GSE1: variants seen among roughly 807,000 people sequenced by gnomAD.
GSE1 encodes genetic suppressor element 1.
GSE1 carries 32 observed loss-of-function variants against 112.6 expected under a neutral mutation model. That is an observed-to-expected ratio of 0.28 (90% CI 0.21 to 0.38). The LOEUF is 0.38. Among genes scored for constraint, GSE1 ranks in the 10% least tolerant of loss-of-function variants. GSE1 has a pLI of 1.00. For missense variants in GSE1, 2,348 were observed against 1,699.2 expected (o/e 1.38, Z -6.71); for synonymous variants, 1,115 against 735.6 (o/e 1.52, Z -8.35).
At chr16:85,387,611 G>T (rs1459951149) in intron 2 of GSE1, among the ~76,000 whole-genome samples, 1 of 152,214 alleles carries the variant, frequency 6.6e-6, no homozygotes, top group East Asian at 1.9e-4. Context: ...ACCTTGGGTT[G>T]CTTTCTTCCT....
chr16:85,237,621 G>A (rs1037132739), intron 1 of GSE1, among the ~76,000 whole-genome samples: 23 of 151,906 alleles, frequency 1.5e-4, no homozygotes, highest in Non-Finnish European at 2.5e-4. Flanking sequence ...GGCAGATCAC[G>A]CGGTCAGGAG....
chr16:85,222,760 C>T lies in GSE1; in HGVS notation c.2283+50953C>T, dbSNP rs62049807. Among the ~76,000 whole-genome samples the T allele has an allele frequency of 3.8e-3, 580 of 152,256 alleles. 7 individuals are homozygous for T. The highest frequency in any genetic ancestry group is 0.029 in the South Asian group (139 of 4,812). On this transcript the variant is annotated intron_variant, in intron 1 of 2. Transcript: ENST00000637419. ...TGTTTCTCATTGAAGATGCCCTCTCCGAGGGTGGGGAGCTTTTGTTTATTG... is the reference window on the plus strand; with the variant it reads ...TGTTTCTCATTGAAGATGCCCTCTCTGAGGGTGGGGAGCTTTTGTTTATTG...
At chr16:85,324,994 G>A (rs901502174) in intron 1 of GSE1, among the ~76,000 whole-genome samples, 4 of 151,976 alleles carry the variant, frequency 2.6e-5, no homozygotes, top group African/African-American at 7.3e-5. Flanking sequence ...TTGAGACAAG[G>A]TCTCACTCTG....
rs1005683773 is a variant in GSE1, at chr16:85,617,408, C to T, written c.7+4010C>T. 3.9e-5 allele frequency among the ~76,000 whole-genome samples: 6 copies of T among 152,262 alleles called. No homozygotes were observed. The East Asian group carries it at 1.2e-3, about 29-fold the overall frequency. On this transcript the variant is annotated intron_variant, in intron 1 of 15. Transcript: ENST00000253458. ...GGCTGCACTTGAGGCTTTTGTGGGT[C>T]CTTGTGACTTGGGGGTTTCTAGGGA...
rs1026109284 is a variant in GSE1 at position 85,657,543 on chromosome 16, C to T, written c.1579C>T (p.Leu527=). Residue 527 remains leucine (L), a synonymous_variant, in exon 8 of 16, where the codon CTG becomes TTG. Transcript: ENST00000253458. ...EFRQQVLEQH[L]DMGRPPVPAE... ...CCGGCAGCAGGTGCTGGAGCAGCAC[C>T]TGGATATGGGCCGGCCCCCGGTGCC... is the stretch of plus-strand genomic sequence containing the variant. 2 of 1,599,604 alleles carry T rather than the reference C, an allele frequency of 1.3e-6. No individual in the cohort carries two copies. The highest frequency in any genetic ancestry group is 1.7e-6 in the Non-Finnish European group (2 of 1,172,774).
At chr16:85,555,031 C>A, upstream of GSE1, 1 of 985,360 alleles carries the variant, frequency 1.0e-6, no homozygotes, top group Non-Finnish European at 1.2e-6. Flanking sequence ...CGGGGGGAAG[C>A]TCGCAAGTGA....
intron 1 of GSE1, among the ~76,000 whole-genome samples, chr16:85,617,757 G>A (rs555312067): frequency 6.3e-4 from 96 of 152,202 alleles, no homozygotes; most frequent in African/African-American, 2.2e-3. Context: ...GGAGCAATGT[G>A]GGTAGGAATT....
chr16:85,353,218 C>G (rs1225143933), intron 1 of GSE1, among the ~76,000 whole-genome samples: 2 of 152,158 alleles, frequency 1.3e-5, no homozygotes, highest in African/African-American at 4.8e-5. Context: ...CACCTGGGGA[C>G]TCGACCGGGG....
chr16:85,236,067 G>A (rs1032590474), intron 1 of GSE1, among the ~76,000 whole-genome samples: 2 of 151,910 alleles, frequency 1.3e-5, no homozygotes, highest in South Asian at 4.1e-4. Flanking sequence ...CGCCCCTCCC[G>A]GATTTCCCGG....
chr16:85,411,013 G>C (rs1251873315), intron 2 of GSE1, among the ~76,000 whole-genome samples: 1 of 62,848 alleles, frequency 1.6e-5, no homozygotes, highest in Non-Finnish European at 2.7e-5. Context: ...TACACTCAGA[G>C]CCCCCCTGGA....
At chr16:85,630,835 T>G (rs1390990752) in intron 1 of GSE1, among the ~76,000 whole-genome samples, 1 of 152,148 alleles carries the variant, frequency 6.6e-6, no homozygotes, top group African/African-American at 2.4e-5. Context: ...GGTCTCGGTT[T>G]CCCCATCTGT....
intron 2 of GSE1, among the ~76,000 whole-genome samples, chr16:85,643,671 C>T (rs2050626174): frequency 6.6e-6 from 1 of 152,182 alleles, no homozygotes; most frequent in African/African-American, 2.4e-5. Flanking sequence ...CCCCTTATGG[C>T]ATGGGCTATA....
At chr16:85,426,927 T>C (rs2049007782) in intron 2 of GSE1, among the ~76,000 whole-genome samples, 1 of 152,130 alleles carries the variant, frequency 6.6e-6, no homozygotes, top group Admixed American at 6.5e-5. Context: ...TGGACTGTGG[T>C]GTGTCCCATA....
At chr16:85,650,322 G>T (rs938400529) in intron 3 of GSE1, among the ~76,000 whole-genome samples, 19 of 152,232 alleles carry the variant, frequency 1.2e-4, no homozygotes, top group African/African-American at 4.6e-4. Flanking sequence ...TGAATCACCC[G>T]ACTCAAACAG....
chr16:85,415,769 A>C (rs1375437441), intron 2 of GSE1, among the ~76,000 whole-genome samples: 1 of 152,248 alleles, frequency 6.6e-6, no homozygotes, highest in African/African-American at 2.4e-5. Context: ...CTGGCTGCCA[A>C]GCTGGCAGTG....
intron 1 of GSE1, among the ~76,000 whole-genome samples, chr16:85,252,358 C>T (rs1350790260): frequency 6.6e-6 from 1 of 151,874 alleles, no homozygotes; most frequent in African/African-American, 2.4e-5. Flanking sequence ...GCACAAAGTT[C>T]TGGAATCTTC....
At chr16:85,417,258 C>G (rs1210466512) in intron 2 of GSE1, among the ~76,000 whole-genome samples, 1 of 152,236 alleles carries the variant, frequency 6.6e-6, no homozygotes, top group Admixed American at 6.5e-5. Flanking sequence ...CTCAACCCCA[C>G]TAGATGCCAG....
intron 1 of GSE1, among the ~76,000 whole-genome samples, chr16:85,244,419 G>A (rs1198335519): frequency 6.6e-6 from 1 of 152,188 alleles, no homozygotes; most frequent in Admixed American, 6.5e-5. Flanking sequence ...CTTGATTTTA[G>A]CCCAGGAGAC....
At chr16:85,393,727 C>T (rs1033295582) in intron 2 of GSE1, among the ~76,000 whole-genome samples, 1 of 152,214 alleles carries the variant, frequency 6.6e-6, no homozygotes, top group African/African-American at 2.4e-5. Flanking sequence ...GTTCAGGGTT[C>T]TGATCTTCTT....
Sources: gnomAD v4.1 joint callset for allele counts (sites outside exome capture counted in the v4.1 genomes callset) on GRCh38, gnomAD v4.1.1 for gene constraint, MANE v1.5 for transcripts, NCBI Gene and HGNC (gene_info 2026-07-23, HGNC 2026-07-21) for gene names.